The following DNM1L variants were observed in gnomAD, a reference collection of about 807,000 sequenced individuals.
DNM1L encodes the protein dynamin-1-like protein.
DNM1L carries 33 observed loss-of-function variants against 92.8 expected under a neutral mutation model. That is an observed-to-expected ratio of 0.36 (90% CI 0.27 to 0.48). The LOEUF (loss-of-function observed/expected upper bound fraction) is 0.48, where lower values mean the gene tolerates loss of function less well. Ranked by LOEUF, DNM1L falls within the 20% of genes least tolerant of loss-of-function variation. DNM1L has a pLI of 0.99. For missense variants in DNM1L, 485 were observed against 888.8 expected, an observed-to-expected ratio of 0.55 and a Z score of 5.78; for synonymous variants, 284 against 305.0, an observed-to-expected ratio of 0.93 and a Z score of 0.72.
At chr12:32,715,471 A>G (rs1239590940) in intron 6 of DNM1L, among the ~76,000 whole-genome samples, 1 of 152,010 alleles carries the variant, frequency 6.6e-6, no homozygotes, top group Admixed American at 6.6e-5. Flanking sequence ...GGTGGCTCAC[A>G]CTTGTAATCC....
At chr12:32,704,078 C>T (rs192431558) in intron 2 of DNM1L, among the ~76,000 whole-genome samples, 4 of 152,148 alleles carry the variant, frequency 2.6e-5, no homozygotes, top group African/African-American at 9.6e-5. Flanking sequence ...AAGCTTTCCT[C>T]AGCTTTCCTT....
At chr12:32,701,300 G>A (rs1565500935) in intron 1 of DNM1L, 115 bp from the exon 2 acceptor site, 2 of 888,690 alleles carry the variant, frequency 2.3e-6, no homozygotes, top group Non-Finnish European at 3.4e-6. Context: ...AATAGTCTCT[G>A]CACTAATTTT....
chr12:32,738,053 G>A, intron 15 of DNM1L, 111 bp downstream of exon 15: 1 of 1,250,284 alleles, frequency 8.0e-7, no homozygotes, highest in South Asian at 1.3e-5. Flanking sequence ...ACTGTGCTAA[G>A]GTCAGATCAC....
Position 32,731,923 on chromosome 12 carries a change from T to G in DNM1L, c.1426T>G (p.Leu476Val). The G allele has an allele frequency of 6.2e-7, 1 of 1,613,498 alleles. No homozygotes were observed. The highest frequency in any genetic ancestry group is 8.5e-7 in the Non-Finnish European group (1 of 1,179,436). ...EVVTCLLRKR[L>V]PVTNEMVHNL... ...GGTGACTTGTCTTCTTCGTAAAAGGTTGCCTGTTACAAATGAAATGGTGAG... is the reference window on the plus strand; with the variant it reads ...GGTGACTTGTCTTCTTCGTAAAAGGGTGCCTGTTACAAATGAAATGGTGAG... The change falls in exon 12 of 20, where the codon TTG becomes GTG. Residue 476 changes from leucine (L) to valine (V), a missense_variant. Physicochemically the swap from Leu to Val is conservative, Grantham distance 32. Transcript: ENST00000549701. The surrounding 1 kb of genome is among the most constrained non-coding windows in gnomAD (Gnocchi z 5.1).
intron 9 of DNM1L, chr12:32,727,342 C>A: frequency 1.3e-6 from 1 of 797,892 alleles, no homozygotes; most frequent in South Asian, 1.3e-5. Context: ...CTTTTAACTA[C>A]CCTAGCTAGG....
intron 13 of DNM1L, among the ~76,000 whole-genome samples, chr12:32,736,065 ATCT>A (rs1250544143): frequency 2.8e-5 from 4 of 141,598 alleles, no homozygotes; most frequent in African/African-American, 1.1e-4. Flanking sequence ...TATCTTCATA[ATCT>A]TTTTTTTTTT....
rs188222465 is a variant in DNM1L at position 32,739,161 on chromosome 12, T to A, written c.1707+865T>A. Among the ~76,000 whole-genome samples the A allele has an allele frequency of 8.2e-3, 1,250 of 152,316 alleles. 20 individuals carry two copies. The highest frequency in any genetic ancestry group is 0.028 in the African/African-American group (1,151 of 41,580). ...CCTTAACTGACATACTAAAGACAGATTTTAGCAAATATTTTGATTCAGAAT... is the reference window on the plus strand; with the variant it reads ...CCTTAACTGACATACTAAAGACAGAATTTAGCAAATATTTTGATTCAGAAT... On this transcript the variant is annotated intron_variant, in intron 16 of 19. Transcript: ENST00000549701.
rs1955043589 is a variant in DNM1L at position 32,738,314 on chromosome 12, G to A, written c.1707+18G>A. ...CTAAAAATGTGAGTCTCTTGCTTCA[G>A]AATGGAAATGTTGGTACCTTTGGTT... On this transcript the variant is annotated intron_variant, in intron 16 of 19. Transcript: ENST00000549701. The A allele has an allele frequency of 6.2e-7, 1 of 1,613,456 alleles. No individual in the cohort carries two copies. The highest frequency in any genetic ancestry group is 1.1e-5 in the South Asian group (1 of 91,046).
rs1297743443 is a variant in DNM1L at position 32,680,706 on chromosome 12, TTTTA to T, written c.102+1244_102+1247del. On this transcript the variant is annotated intron_variant, in intron 1 of 19. Coordinates refer to ENST00000549701, the MANE Select transcript of DNM1L (RefSeq NM_012062.5). ...CATCAAACAAATTACGAGGATTATT[TTTTA>T]TTGAACATAATTTTGTTCAGTCTGG... is the stretch of plus-strand genomic sequence containing the variant. Among the ~76,000 whole-genome samples the T allele has an allele frequency of 3.9e-5, 6 of 152,212 alleles. No homozygotes were observed. The East Asian group carries it at 1.2e-3, about 29-fold the overall frequency.
In DNM1L at chr12:32,706,123, T is replaced by A. The variant is rs981860795; in HGVS notation, c.251-1244T>A. On this transcript the variant is annotated intron_variant, in intron 2 of 19. Coordinates refer to ENST00000549701, the MANE Select transcript of DNM1L (RefSeq NM_012062.5). ...CCAAGCCTTTTTAAATATAATAAGA[T>A]AAATTAGAAACAGCTCTTTGGTATG... 7 of 367,412 alleles carry A rather than the reference T, an allele frequency of 1.9e-5. No individual in the cohort carries two copies. The Admixed American group carries it at 2.2e-4, about 12-fold the overall frequency. The allele number at this position is 367,412 out of a possible 1,614,324, so 22.8% of individuals were successfully genotyped here.
In DNM1L at chr12:32,722,408, C is replaced by G; in HGVS notation, c.873-19C>G. The G allele has an allele frequency of 6.2e-7, 1 of 1,606,528 alleles. No homozygotes were observed. Among genetic ancestry groups the G allele is most frequent in the Non-Finnish European group, 8.5e-7 (1 of 1,176,072 alleles). On this transcript the variant is annotated intron_variant, in intron 8 of 19. Transcript: ENST00000549701. Reference sequence around the variant, plus strand: ...TACACAATTTTACTTTTAAATCCTTCCTTTCTAACCTTTTTTAGGTTACTG... The same window carrying G: ...TACACAATTTTACTTTTAAATCCTTGCTTTCTAACCTTTTTTAGGTTACTG...
intron 1 of DNM1L, among the ~76,000 whole-genome samples, chr12:32,686,738 A>G (rs1952026185): frequency 1.3e-5 from 2 of 152,154 alleles, no homozygotes; most frequent in Admixed American, 1.3e-4. Context: ...ACCATTTTAA[A>G]ATTCCCACCA....
chr12:32,719,942 C>T (rs1480574601), intron 7 of DNM1L, among the ~76,000 whole-genome samples: 4 of 152,134 alleles, frequency 2.6e-5, no homozygotes, highest in African/African-American at 9.7e-5. Context: ...TGGTAGGAAA[C>T]ACTGAAATTA....
At chr12:32,718,205 G>A (rs1318946639) in intron 6 of DNM1L, among the ~76,000 whole-genome samples, 1 of 147,568 alleles carries the variant, frequency 6.8e-6, no homozygotes, top group Non-Finnish European at 1.5e-5. Flanking sequence ...GCAATGGCAC[G>A]ATCTCAGCTC....
chr12:32,698,213 C>T (rs1952551248), intron 1 of DNM1L, among the ~76,000 whole-genome samples: 1 of 152,146 alleles, frequency 6.6e-6, no homozygotes, highest in South Asian at 2.1e-4. Flanking sequence ...TTGTGTTTTC[C>T]ATCATAGGGG....
chr12:32,701,396 G>C lies in DNM1L; in HGVS notation c.103-19G>C. The C allele has an allele frequency of 6.2e-7, 1 of 1,611,918 alleles. No homozygotes were observed. Among genetic ancestry groups the C allele is most frequent in the Non-Finnish European group, 8.5e-7 (1 of 1,178,240 alleles). On this transcript the variant is annotated intron_variant, in intron 1 of 19. Coordinates refer to ENST00000549701, the MANE Select transcript of DNM1L (RefSeq NM_012062.5). Reference sequence around the variant, plus strand: ...GTGTTAAGAAACTCATTTTGCTCTTGTATATATTCTGTTTTCAGAGCAGCG... The same window carrying C: ...GTGTTAAGAAACTCATTTTGCTCTTCTATATATTCTGTTTTCAGAGCAGCG...
chr12:32,686,045 C>CTTTTTTTT lies in DNM1L; in HGVS notation c.102+6595_102+6602dup, dbSNP rs972264615. 7.7e-4 allele frequency among the ~76,000 whole-genome samples: 64 copies of CTTTTTTTT among 82,686 alleles called. 3 individuals carry two copies. Among genetic ancestry groups the CTTTTTTTT allele is most frequent in the African/African-American group, 1.9e-3 (31 of 16,636 alleles). 54.2% of individuals were successfully genotyped at this position (82,686 alleles called of 152,430 possible). ...GAAATTTGCAGAACATAAAATTAGC[C>CTTTTTTTT]TTTTTTTTTTTTTTTTTTTTTTGAG... On this transcript the variant is annotated intron_variant, in intron 1 of 19. Coordinates refer to ENST00000549701, the MANE Select transcript of DNM1L (RefSeq NM_012062.5).
Position 32,743,979 on chromosome 12 carries a change from CTG to C in DNM1L, c.*572_*573del, listed in dbSNP as rs1326515827. ...AAGAAAGCTGAATGCACAAGAGGATCTGTGACACTGACATGGCTGTGGTGTGC... is the reference window on the plus strand; with the variant it reads ...AAGAAAGCTGAATGCACAAGAGGATCTGACACTGACATGGCTGTGGTGTGC... On this transcript the variant is annotated 3_prime_UTR_variant, in exon 20 of 20. Coordinates refer to ENST00000549701, the MANE Select transcript of DNM1L (RefSeq NM_012062.5). 6.4e-6 allele frequency: 1 copy of C among 156,186 alleles called. No homozygotes were observed. The highest frequency in any genetic ancestry group is 2.4e-5 in the African/African-American group (1 of 41,478). The allele number at this position is 156,186 out of a possible 1,614,324, so 9.7% of individuals were successfully genotyped here.
intron 1 of DNM1L, 58 bp from the exon 2 acceptor site, chr12:32,701,352 TATTGA>T: frequency 2.1e-6 from 3 of 1,413,086 alleles, no homozygotes; most frequent in Non-Finnish European, 9.9e-7. Context: ...TAATATAGTT[TATTGA>T]ATTAACAAAA....
Sources: gnomAD v4.1 joint callset for allele counts (sites outside exome capture counted in the v4.1 genomes callset) on GRCh38, gnomAD v4.1.1 for gene constraint, Gnocchi (gnomAD v3.1) non-coding constraint, MANE v1.5 for transcripts, NCBI Gene and HGNC (gene_info 2026-07-23, HGNC 2026-07-21) for gene names.